Variants in MEGF6 observed in about 807,000 individuals in gnomAD.
MEGF6 encodes multiple EGF like domains 6.
A neutral mutation model predicts 207.1 loss-of-function variants in MEGF6; 184 were observed. The ratio of observed to expected loss-of-function variants is 0.89; its 90% CI spans 0.79 to 1.00. The LOEUF is 1.00. Among genes scored for constraint, MEGF6 ranks in the 50% least tolerant of loss-of-function variants. The pLI is 0.00. For missense variants in MEGF6, 2,282 were observed against 2,202.9 expected (o/e 1.04, Z -0.72); for synonymous variants, 1,038 against 910.0 (o/e 1.14, Z -2.53).
intron 4 of MEGF6, among the ~76,000 whole-genome samples, chr1:3,525,992 C>T (rs1469998684): frequency 6.6e-6 from 1 of 152,214 alleles, no homozygotes; most frequent in Non-Finnish European, 1.5e-5. Flanking sequence ...GGGTCAGAAG[C>T]CCTGCAGCTG....
chr1:3,528,558 G>A (rs1470151080), intron 4 of MEGF6, among the ~76,000 whole-genome samples: 2 of 152,218 alleles, frequency 1.3e-5, no homozygotes, highest in African/African-American at 2.4e-5. Context: ...GGATCTGGAT[G>A]GGAGGTTATC....
intron 1 of MEGF6, among the ~76,000 whole-genome samples, chr1:3,605,075 C>T (rs1644222459): frequency 2.0e-5 from 3 of 151,690 alleles, no homozygotes; most frequent in Admixed American, 6.6e-5. Flanking sequence ...CACTCACACT[C>T]TCAGTCACAC....
chr1:3,505,034 C>T (rs892639161), intron 17 of MEGF6, among the ~76,000 whole-genome samples, 174 bp downstream of exon 17: 1 of 150,238 alleles, frequency 6.7e-6, no homozygotes, highest in Non-Finnish European at 1.5e-5. Flanking sequence ...TGTGACAGGC[C>T]GTCAAGGCAA....
At chr1:3,580,140 C>A (rs550143759) in intron 3 of MEGF6, among the ~76,000 whole-genome samples, 2 of 152,078 alleles carry the variant, frequency 1.3e-5, no homozygotes, top group East Asian at 3.9e-4. Context: ...TGGGGTTAGG[C>A]GGAACCCCTC....
At chr1:3,522,030 A>C (rs1641770386) in intron 5 of MEGF6, among the ~76,000 whole-genome samples, 1 of 152,246 alleles carries the variant, frequency 6.6e-6, no homozygotes, top group African/African-American at 2.4e-5. Context: ...CTTGTTGCCA[A>C]AGCGAGGGTC....
In MEGF6 at chr1:3,505,266, C is replaced by T; in HGVS notation, c.2130G>A (p.Val710=). The change falls in exon 17 of 37, where the codon GTG becomes GTA. Residue 710 remains valine (V), a synonymous_variant. Transcript: ENST00000356575. ...GACACCGCTTCCCACACTCGCCGCT[C>T]ACGGAGTCACAGGCCACGCCCACTG... is the stretch of plus-strand genomic sequence containing the variant. ...TCPVGVACDS[V]SGECGKRCPA... is the part of the protein sequence containing the mutation. 1 of 1,612,558 alleles carries T rather than the reference C, an allele frequency of 6.2e-7. No homozygotes were observed. Among genetic ancestry groups the T allele is most frequent in the African/African-American group, 1.3e-5 (1 of 75,046 alleles).
At chr1:3,497,935 G>A (rs1028490765) in intron 26 of MEGF6, among the ~76,000 whole-genome samples, 15 of 152,154 alleles carry the variant, frequency 9.9e-5, no homozygotes, top group South Asian at 2.1e-4. Context: ...TTGCATGTCT[G>A]GGCTCTGGAG....
intron 5 of MEGF6, among the ~76,000 whole-genome samples, chr1:3,517,482 G>A (rs757520850): frequency 3.9e-5 from 6 of 152,232 alleles, no homozygotes; most frequent in Non-Finnish European, 8.8e-5. Flanking sequence ...CGGGAGCCAA[G>A]CCCAGTGTCG....
At chr1:3,596,263 G>A (rs1253200955) in intron 2 of MEGF6, among the ~76,000 whole-genome samples, 1 of 152,030 alleles carries the variant, frequency 6.6e-6, no homozygotes, top group Non-Finnish European at 1.5e-5. Flanking sequence ...GGCCCCCCAG[G>A]AGACGGCAGT....
intron 4 of MEGF6, among the ~76,000 whole-genome samples, chr1:3,558,220 G>A (rs1643092385): frequency 6.6e-6 from 1 of 152,174 alleles, no homozygotes; most frequent in Admixed American, 6.5e-5. Flanking sequence ...TCCACTCTGA[G>A]GACTGTGCAG....
intron 5 of MEGF6, among the ~76,000 whole-genome samples, chr1:3,517,383 CA>C (rs1475407903): frequency 6.6e-6 from 1 of 152,204 alleles, no homozygotes; most frequent in Non-Finnish European, 1.5e-5. Flanking sequence ...GCGGGGGGAT[CA>C]GAGGCAGGGA....
chr1:3,609,840 G>T (rs58913621), intron 1 of MEGF6, among the ~76,000 whole-genome samples: 2,298 of 152,322 alleles, frequency 0.015, 60 homozygotes, highest in African/African-American at 0.052. Context: ...TGCACTGGTG[G>T]CAGAGGCCCC....
Position 3,565,565 on chromosome 1 carries a change from G to C in MEGF6, c.481+14260C>G, listed in dbSNP as rs1403855821. On this transcript the variant is annotated intron_variant, in intron 4 of 36. Coordinates refer to ENST00000356575, the MANE Select transcript of MEGF6 (RefSeq NM_001409.4). The surrounding 1 kb of genome is among the most constrained non-coding windows in gnomAD (Gnocchi z 4.8). Reference sequence around the variant, plus strand: ...GAGGACGCTTCGTGCGGGGCTGCCTGGCCTGGCCCTGGACGGTCCCCATGG... The same window carrying C: ...GAGGACGCTTCGTGCGGGGCTGCCTCGCCTGGCCCTGGACGGTCCCCATGG... Among the ~76,000 whole-genome samples, 1 of 152,184 alleles carries C rather than the reference G, an allele frequency of 6.6e-6. No individual in the cohort carries two copies.
chr1:3,561,871 GCTTTTCGTTCC>G (rs1643212466), intron 4 of MEGF6, among the ~76,000 whole-genome samples: 1 of 152,244 alleles, frequency 6.6e-6, no homozygotes, highest in African/African-American at 2.4e-5. Context: ...GTGGGAGGGG[GCTTTTCGTTCC>G]CATTTGTTTC....
At chr1:3,584,186 T>C (rs115264380) in intron 3 of MEGF6, among the ~76,000 whole-genome samples, 1,765 of 152,362 alleles carry the variant, frequency 0.012, 16 homozygotes, top group Admixed American at 0.018. Flanking sequence ...GCCATGTCTG[T>C]AGCCTCTTTA....
At chr1:3,590,110 A>G (rs1643951890) in intron 3 of MEGF6, among the ~76,000 whole-genome samples, 1 of 152,060 alleles carries the variant, frequency 6.6e-6, no homozygotes, top group African/African-American at 2.4e-5. Context: ...CCGTATGAGG[A>G]GTTGCGGGGT....
intron 3 of MEGF6, among the ~76,000 whole-genome samples, chr1:3,591,209 C>T (rs1383512080): frequency 2.0e-5 from 3 of 152,334 alleles, no homozygotes; most frequent in East Asian, 1.9e-4. Flanking sequence ...TGGAATGTGG[C>T]GTCGGAAACG....
chr1:3,530,437 C>T (rs960828582), intron 4 of MEGF6, among the ~76,000 whole-genome samples: 1 of 152,228 alleles, frequency 6.6e-6, no homozygotes, highest in African/African-American at 2.4e-5. Context: ...ATTCCACCCC[C>T]TCCTCCAATT....
In MEGF6 at chr1:3,509,954, G is replaced by C. The variant is rs1641274477; in HGVS notation, c.1273C>G (p.His425Asp). 6.3e-7 allele frequency: 1 copy of C among 1,581,626 alleles called. No individual in the cohort carries two copies. The highest frequency in any genetic ancestry group is 8.6e-7 in the Non-Finnish European group (1 of 1,168,592). ...GAGCCGGCCAGGTTGGTGCAGTGGT[G>C]CTCGCAGCCGCCACGGCTGGAGGCG... is the stretch of plus-strand genomic sequence containing the variant. ...ECASSRGGCE[H>D]HCTNLAGSFQ... The change falls in exon 11 of 37, where the codon CAC (histidine) becomes GAC (aspartate). Residue 425 changes from histidine (H) to aspartate (D), a missense_variant. Transcript: ENST00000356575.
Sources: gnomAD v4.1 joint callset for allele counts (sites outside exome capture counted in the v4.1 genomes callset) on GRCh38, gnomAD v4.1.1 for gene constraint, Gnocchi (gnomAD v3.1) non-coding constraint, MANE v1.5 for transcripts, NCBI Gene and HGNC (gene_info 2026-07-23, HGNC 2026-07-21) for gene names.